The following SLC24A3 variants were observed in gnomAD, a reference collection of about 807,000 sequenced individuals.
SLC24A3 encodes solute carrier family 24 member 3.
SLC24A3 carries 28 observed loss-of-function variants against 75.8 expected under a neutral mutation model. That is an observed-to-expected ratio of 0.37 (90% CI 0.27 to 0.51). The LOEUF (loss-of-function observed/expected upper bound fraction) is 0.51, where lower values mean the gene tolerates loss of function less well. Among genes scored for constraint, SLC24A3 ranks in the 20% least tolerant of loss-of-function variants. The probability of loss-of-function intolerance (pLI) is 0.94; values close to 1 mark genes in which losing one functional copy is unlikely to be tolerated. For synonymous variants in SLC24A3, 372 were observed against 334.1 expected, an observed-to-expected ratio of 1.11 and a Z score of -1.24; for missense variants, 663 against 847.8, an observed-to-expected ratio of 0.78 and a Z score of 2.71.
At chr20:19,644,664 CTT>C (rs1391077842) in intron 6 of SLC24A3, among the ~76,000 whole-genome samples, 1 of 152,182 alleles carries the variant, frequency 6.6e-6, no homozygotes, top group Non-Finnish European at 1.5e-5. Context: ...AAATAGCACT[CTT>C]AATCAAAATC....
chr20:19,339,333 G>A (rs551842897), intron 2 of SLC24A3, among the ~76,000 whole-genome samples: 17 of 152,092 alleles, frequency 1.1e-4, no homozygotes, highest in African/African-American at 3.4e-4. Context: ...TGTTTGTACC[G>A]CAGAAGGAAG....
At chr20:19,430,400 G>A (rs1269371688) in intron 2 of SLC24A3, among the ~76,000 whole-genome samples, 1 of 152,088 alleles carries the variant, frequency 6.6e-6, no homozygotes, top group East Asian at 1.9e-4. Flanking sequence ...AGAAAATAAA[G>A]GAAGGAGGGA....
chr20:19,672,821 A>G (rs914728921), intron 8 of SLC24A3, among the ~76,000 whole-genome samples: 3 of 152,194 alleles, frequency 2.0e-5, no homozygotes, highest in African/African-American at 7.2e-5. Context: ...GCTTCTAGAC[A>G]TGGAATTTGA....
rs182884914 is a variant in SLC24A3, at chr20:19,256,518, C to T, written c.143-24441C>T. On this transcript the variant is annotated intron_variant, in intron 1 of 16. Coordinates refer to ENST00000328041, the MANE Select transcript of SLC24A3 (RefSeq NM_020689.4). ...GTGCAGTGGCTCACGCTTGTAATTC[C>T]GGCACTTTGGGAGGCCGAGGTGGGC... is the stretch of plus-strand genomic sequence containing the variant. Among the ~76,000 whole-genome samples, 108 of 152,142 alleles carry T rather than the reference C, an allele frequency of 7.1e-4. No individual in the cohort carries two copies. The East Asian group carries it at 0.01, about 14-fold the overall frequency.
intron 8 of SLC24A3, 115 bp from the exon 9 acceptor site, chr20:19,673,486 G>A (rs931867762): frequency 6.5e-5 from 54 of 836,446 alleles, no homozygotes; most frequent in Non-Finnish European, 1.1e-4. Flanking sequence ...ACCTAGCACC[G>A]TCTGCCTTCT....
chr20:19,307,388 G>GT (rs537619708), intron 2 of SLC24A3, among the ~76,000 whole-genome samples: 49 of 152,276 alleles, frequency 3.2e-4, no homozygotes, highest in South Asian at 1.7e-3. Flanking sequence ...GATTTTATCT[G>GT]TTAAGAGTGA....
chr20:19,514,054 C>T (rs1416624495), intron 2 of SLC24A3, among the ~76,000 whole-genome samples: 1 of 152,238 alleles, frequency 6.6e-6, no homozygotes, highest in Non-Finnish European at 1.5e-5. Flanking sequence ...GGCCCAAACA[C>T]TTCGTGTGGC....
intron 2 of SLC24A3, among the ~76,000 whole-genome samples, chr20:19,462,414 G>T (rs529512838): frequency 4.8e-4 from 72 of 149,462 alleles, no homozygotes; most frequent in African/African-American, 1.7e-3. Context: ...CTGACACCAC[G>T]CCCGGCTAAG....
At chr20:19,487,421 C>T (rs1988145463) in intron 2 of SLC24A3, among the ~76,000 whole-genome samples, 1 of 152,120 alleles carries the variant, frequency 6.6e-6, no homozygotes, top group South Asian at 2.1e-4. Context: ...AATCTGATTG[C>T]CTTTTCCTGT....
intron 1 of SLC24A3, among the ~76,000 whole-genome samples, chr20:19,262,339 A>G (rs1600398736): frequency 7.2e-6 from 1 of 138,618 alleles, no homozygotes; most frequent in Non-Finnish European, 1.5e-5. Flanking sequence ...CGGGAGGCGG[A>G]GCTTGCAGTG....
chr20:19,240,591 C>T (rs992276385), intron 1 of SLC24A3, among the ~76,000 whole-genome samples: 1 of 152,192 alleles, frequency 6.6e-6, no homozygotes, highest in Non-Finnish European at 1.5e-5. Context: ...GAATCTCAGA[C>T]CTCCTTCTGT....
At chr20:19,351,267 A>T (rs1375439060) in intron 2 of SLC24A3, among the ~76,000 whole-genome samples, 1 of 152,154 alleles carries the variant, frequency 6.6e-6, no homozygotes, top group African/African-American at 2.4e-5. Context: ...AAACGTGGGG[A>T]TCATCTCCCA....
chr20:19,516,565 C>G (rs941525657), intron 3 of SLC24A3, among the ~76,000 whole-genome samples: 1 of 152,198 alleles, frequency 6.6e-6, no homozygotes, highest in Non-Finnish European at 1.5e-5. Flanking sequence ...TGTGGCTAGA[C>G]CAGTGGTCCT....
intron 2 of SLC24A3, among the ~76,000 whole-genome samples, chr20:19,496,888 T>C (rs972066549): frequency 6.6e-6 from 1 of 152,124 alleles, no homozygotes; most frequent in Non-Finnish European, 1.5e-5. Context: ...TCAGAGGAGT[T>C]TGTGGGAGCA....
At chr20:19,246,066 G>C (rs1349070498) in intron 1 of SLC24A3, among the ~76,000 whole-genome samples, 1 of 152,100 alleles carries the variant, frequency 6.6e-6, no homozygotes, top group East Asian at 1.9e-4. Flanking sequence ...ACATGTGTAA[G>C]AATTCACTTT....
rs77373072 is a variant in SLC24A3 at position 19,516,059 on chromosome 20, C to T, written c.348+495C>T. On this transcript the variant is annotated intron_variant, in intron 3 of 16. Transcript: ENST00000328041. ...GCTTCATTCCCAGACCCTTTCTTGG[C>T]ATGTGGTAGGGACAGAACATTTGCT... Among the ~76,000 whole-genome samples the T allele has an allele frequency of 6.8e-3, 1,030 of 152,308 alleles. 16 individuals carry two copies. The highest frequency in any genetic ancestry group is 0.023 in the African/African-American group (973 of 41,564).
At chr20:19,494,140 T>C (rs542854531) in intron 2 of SLC24A3, among the ~76,000 whole-genome samples, 7 of 149,674 alleles carry the variant, frequency 4.7e-5, no homozygotes, top group Non-Finnish European at 8.9e-5. Context: ...CCAGGCCCCA[T>C]GTGCCCAGCA....
chr20:19,418,630 A>G (rs902344849), intron 2 of SLC24A3, among the ~76,000 whole-genome samples: 6 of 151,732 alleles, frequency 4.0e-5, no homozygotes, highest in African/African-American at 1.5e-4. Context: ...CTACTTTGAA[A>G]GGGCTCATTG....
At chr20:19,716,834 A>G (rs1334584189) in intron 15 of SLC24A3, among the ~76,000 whole-genome samples, 1 of 152,110 alleles carries the variant, frequency 6.6e-6, no homozygotes, top group Non-Finnish European at 1.5e-5. Context: ...AGATCACACC[A>G]CTGCACCCCA....
Sources: allele counts gnomAD v4.1 joint callset (sites outside exome capture counted in the v4.1 genomes callset), GRCh38; gene constraint gnomAD v4.1.1; transcripts MANE v1.5; gene names NCBI Gene and HGNC (gene_info 2026-07-23, HGNC 2026-07-21).